TTN: variants seen among roughly 807,000 people sequenced by gnomAD.
TTN encodes the protein connectin.
TTN carries 1,525 observed loss-of-function variants against 3,223.0 expected under a neutral mutation model. That is an observed-to-expected ratio of 0.47 (90% CI 0.45 to 0.49). The LOEUF is 0.49. TTN is among the 20% of genes least tolerant of loss of function. The pLI is 0.00. For missense variants in TTN, 40,786 were observed against 43,424.0 expected, an observed-to-expected ratio of 0.94 and a Z score of 5.40; for synonymous variants, 14,094 against 15,161.0, an observed-to-expected ratio of 0.93 and a Z score of 5.17.
Position 178,735,732 on chromosome 2 carries a change from A to T in TTN, c.14714T>A (p.Val4905Asp). 3.7e-6 allele frequency: 6 copies of T among 1,613,774 alleles called. No homozygotes were observed. Among genetic ancestry groups the T allele is most frequent in the Non-Finnish European group, 5.1e-6 (6 of 1,179,798 alleles). The change falls in exon 50 of 363, where the codon GTC becomes GAC. Residue 4905 changes from valine (V) to aspartate (D), a missense_variant. Val to Asp is a radical substitution (Grantham distance 152). Transcript: ENST00000589042. ...TTCATCTACTTGGCACTCAAGGTGG[A>T]CCTTCTTATTGATAGCGGACTGCAC... ...EPVQSAINKK[V>D]HLECQVDEDR...
chr2:178,619,543 T>C, intron 250 of TTN, 78 bp downstream of exon 250: 1 of 1,550,746 alleles, frequency 6.4e-7, no homozygotes, highest in Admixed American at 2.0e-5. Context: ...TCACAAGGAT[T>C]ACCTCATTAA....
chr2:178,783,990 C>A (rs1285100384), intron 16 of TTN, 80 bp downstream of exon 16: 33 of 1,603,376 alleles, frequency 2.1e-5, no homozygotes, highest in African/African-American at 2.7e-5. Flanking sequence ...CCACTGGCTA[C>A]TTTTCAGTAC....
rs769505255 is a variant in TTN, at chr2:178,530,575, T to C, written c.106040A>G (p.Asn35347Ser). 4.3e-6 allele frequency: 7 copies of C among 1,614,060 alleles called. No homozygotes were observed. In the South Asian group the frequency reaches 6.6e-5, roughly 15 times the overall value. The part of the protein sequence containing the change: ...SADGTYELKI[N>S]NLTESDQGEY... ...TCCTTGATCAGATTCAGTGAGGTTA[T>C]TGATTTTGAGCTCATAGGTACCATC... The change falls in exon 358 of 363, where the codon AAT becomes AGT. Residue 35347 changes from asparagine (N) to serine (S), a missense_variant. By Grantham distance (46) the Asn-to-Ser change is conservative (BLOSUM62 1). Transcript: ENST00000589042.
At chr2:178,632,079 T>C in intron 236 of TTN, 68 bp downstream of exon 236, 1 of 1,453,290 alleles carries the variant, frequency 6.9e-7, no homozygotes. Flanking sequence ...GACTATTTTA[T>C]AGAATAGATA....
intron 110 of TTN, 64 bp downstream of exon 110, chr2:178,701,464 G>A (rs560352023): frequency 7.2e-6 from 11 of 1,530,818 alleles, no homozygotes; most frequent in Non-Finnish European, 9.8e-6. Flanking sequence ...ATAAAATTTC[G>A]TACAGATTCC....
At chr2:178,623,192 A>G (rs1030651945) in intron 242 of TTN, among the ~76,000 whole-genome samples, 5 of 151,932 alleles carry the variant, frequency 3.3e-5, no homozygotes, top group Non-Finnish European at 7.4e-5. Context: ...GCAGAATTCA[A>G]AGATAGAACA....
chr2:178,534,367 T>C lies in TTN; in HGVS notation c.102248A>G (p.Lys34083Arg). ...LKQKIERVST[K>R]VIRTLKHRRY... is the part of the protein sequence containing the mutation. Reference sequence around the variant, plus strand: ...CCGGTGTTTTAATGTTCTGATAACTTTAGTACTGACTCTTTCTATCTTCTG... The same window carrying C: ...CCGGTGTTTTAATGTTCTGATAACTCTAGTACTGACTCTTTCTATCTTCTG... Residue 34083 changes from lysine to arginine, a missense_variant, in exon 358 of 363, where the codon AAA (lysine) becomes AGA (arginine). Lys to Arg is a conservative substitution (Grantham distance 26). Coordinates refer to ENST00000589042, the MANE Select transcript of TTN (RefSeq NM_001267550.2). 1 of 1,611,312 alleles carries C rather than the reference T, an allele frequency of 6.2e-7. No homozygotes were observed. The highest frequency in any genetic ancestry group is 8.5e-7 in the Non-Finnish European group (1 of 1,179,812).
chr2:178,572,466 C>A lies in TTN; in HGVS notation c.73666G>T (p.Val24556Phe), dbSNP rs532581749. The change falls in exon 326 of 363, where the codon GTT (valine) becomes TTT (phenylalanine). Residue 24556 changes from valine to phenylalanine, a missense_variant. Coordinates refer to ENST00000589042, the MANE Select transcript of TTN (RefSeq NM_001267550.2). ...DGGSKIKNYI[V>F]EKRESTRKAY... ...TTTCTTGTTGATTCCCGCTTTTCAA[C>A]AATATAGTTCTTGATTTTTGAACCT... The A allele has an allele frequency of 6.2e-7, 1 of 1,612,658 alleles. No individual in the cohort carries two copies. The highest frequency in any genetic ancestry group is 1.1e-5 in the South Asian group (1 of 91,010).
Position 178,566,969 on chromosome 2 carries a change from C to T in TTN, c.79163G>A (p.Gly26388Glu). ...VLMKNPFVLP[G>E]PPKSLEVTNI... ...TGTGACTTCCAAGCTTTTTGGTGGT[C>T]CAGGAAGCACAAATGGATTTTTCAT... Residue 26388 changes from glycine (G) to glutamate (E), a missense_variant, in exon 326 of 363, where the codon GGA becomes GAA. Physicochemically the swap from Gly to Glu is moderately conservative, Grantham distance 98. Coordinates refer to ENST00000589042, the MANE Select transcript of TTN (RefSeq NM_001267550.2). 1.9e-6 allele frequency: 3 copies of T among 1,613,592 alleles called. No individual in the cohort carries two copies. The highest frequency in any genetic ancestry group is 2.5e-6 in the Non-Finnish European group (3 of 1,179,658).
In TTN at chr2:178,552,988, T is replaced by C. The variant is rs1361724655; in HGVS notation, c.89912A>G (p.Glu29971Gly). 1 of 1,612,204 alleles carries C rather than the reference T, an allele frequency of 6.2e-7. No individual in the cohort carries two copies. The highest frequency in any genetic ancestry group is 1.7e-4 in the Middle Eastern group (1 of 6,060). The change falls in exon 335 of 363, where the codon GAA becomes GGA. Residue 29971 changes from glutamate to glycine, a missense_variant. By Grantham distance (98) the Glu-to-Gly change is moderately conservative. Coordinates refer to ENST00000589042, the MANE Select transcript of TTN (RefSeq NM_001267550.2). ...GGSPIINYVI[E>G]KRDATKRTWS... The stretch of plus-strand genomic sequence containing the variant: ...TGTTCTCTTGGTGGCATCTCTCTTT[T>C]CAATGACATAATTAATTATTGGAGA...
rs772382779 is a variant in TTN, at chr2:178,644,599, C to A, written c.40426G>T (p.Val13476Phe). The A allele has an allele frequency of 1.5e-5, 24 of 1,572,784 alleles. No homozygotes were observed. In the South Asian group the frequency reaches 2.7e-4, roughly 17 times the overall value. Residue 13476 changes from valine (V) to phenylalanine (F), a missense_variant, in exon 218 of 363, where the codon GTT becomes TTT. Val to Phe is a conservative substitution (Grantham distance 50, BLOSUM62 -1). Transcript: ENST00000589042. ...TCTGGAACCTGAGGTTTTTCAGGAA[C>A]TTTCTTCTTTGGAATAGCTTTAAAG... Reference protein sequence around the residue: ...FQLKAIPKKKVPEKPQVPEKV... With the variant: ...FQLKAIPKKKFPEKPQVPEKV...
At chr2:178,763,474 T>C (rs2089732008) in intron 43 of TTN, among the ~76,000 whole-genome samples, 2 of 152,184 alleles carry the variant, frequency 1.3e-5, no homozygotes, top group South Asian at 4.1e-4. Flanking sequence ...TCAGGTGATA[T>C]TCTGGGGCAA....
chr2:178,528,904 A>C lies in TTN; in HGVS notation c.106847T>G (p.Met35616Arg). ...HAEIKAFSTQ[M>R]SINEGQRLVL... ...CAGTCTTTGACCTTCGTTTATGCTC[A>C]TCTGAGTAGAAAATGCTTTAATCTC... Residue 35616 changes from methionine to arginine, a missense_variant, in exon 360 of 363, where the codon ATG becomes AGG. Transcript: ENST00000589042. 1 of 1,614,042 alleles carries C rather than the reference A, an allele frequency of 6.2e-7. No homozygotes were observed. The highest frequency in any genetic ancestry group is 8.5e-7 in the Non-Finnish European group (1 of 1,179,880).
At position 178,575,257 on chromosome 2, in the gene TTN, C is replaced by T. The variant is rs776288102; in HGVS notation, c.70875G>A (p.Lys23625=). The part of the protein sequence containing the change: ...APRESRPVIV[K]EQTMLPELDL... ...CCAGCTCTGGAAGCATTGTCTGCTC[C>T]TTGACAATGACGGGTCTGCTTTCTC... The change falls in exon 326 of 363, where the codon AAG becomes AAA. Residue 23625 remains lysine (K), a synonymous_variant. Transcript: ENST00000589042. This position sits in a 1 kb window ranked among gnomAD's most constrained non-coding sequence, Gnocchi z 4.0. 1.2e-6 allele frequency: 2 copies of T among 1,613,304 alleles called. No individual in the cohort carries two copies. Among genetic ancestry groups the T allele is most frequent in the Non-Finnish European group, 8.5e-7 (1 of 1,179,586 alleles).
At chr2:178,703,555 T>A (rs1369311116) in intron 106 of TTN, among the ~76,000 whole-genome samples, 1 of 152,228 alleles carries the variant, frequency 6.6e-6, no homozygotes, top group Non-Finnish European at 1.5e-5. Flanking sequence ...TTTTTCTCAA[T>A]ACAGTTTGAG....
chr2:178,593,373 T>A lies in TTN; in HGVS notation c.58835A>T (p.Asn19612Ile). Residue 19612 changes from asparagine to isoleucine, a missense_variant, in exon 299 of 363, where the codon AAC becomes ATC. Physicochemically the swap from Asn to Ile is moderately radical, Grantham distance 149. Transcript: ENST00000589042. ...KPHDGGKPIT[N>I]YILEKRETMS... ...AGTTTCTCTCTTTTCCAGGATGTAG[T>A]TTGTGATGGGTTTTCCTCCATCATG... is the stretch of plus-strand genomic sequence containing the variant. 6.2e-7 allele frequency: 1 copy of A among 1,613,394 alleles called. No individual in the cohort carries two copies. The highest frequency in any genetic ancestry group is 8.5e-7 in the Non-Finnish European group (1 of 1,179,574).
chr2:178,784,615 A>G lies in TTN; in HGVS notation c.2494-264T>C, dbSNP rs999764028. Among the ~76,000 whole-genome samples, 17 of 152,352 alleles carry G rather than the reference A, an allele frequency of 1.1e-4. No homozygotes were observed. The South Asian group carries it at 3.1e-3, about 28-fold the overall frequency. ...AACTCCTTATTTTACAGCTTTTATC[A>G]TAAAAGGACAGGATCTTCTAAAGCT... is the stretch of plus-strand genomic sequence containing the variant. On this transcript the variant is annotated intron_variant, in intron 15 of 362. Coordinates refer to ENST00000589042, the MANE Select transcript of TTN (RefSeq NM_001267550.2).
At chr2:178,595,958 C>T in intron 294 of TTN, 149 bp from the exon 295 acceptor site, 3 of 555,752 alleles carry the variant, frequency 5.4e-6, no homozygotes, top group Non-Finnish European at 9.0e-6. Context: ...CTTCTGCTAT[C>T]TAGTCAATAC....
chr2:178,696,013 T>C lies in TTN; in HGVS notation c.31059A>G (p.Lys10353=), dbSNP rs375793363. The change falls in exon 114 of 363, where the codon AAA becomes AAG. Residue 10353 remains lysine (K), a synonymous_variant. Coordinates refer to ENST00000589042, the MANE Select transcript of TTN (RefSeq NM_001267550.2). ...EDYEEIKVEA[K]KEVHEEWEED... is the part of the protein sequence containing the mutation. ...CTTCCCATTCCTCGTGAACTTCTTT[T>C]TTAGCTTCTACCTTAATCTCTTCAT... 6.5e-7 allele frequency: 1 copy of C among 1,548,800 alleles called. No individual in the cohort carries two copies. Among genetic ancestry groups the C allele is most frequent in the Non-Finnish European group, 8.7e-7 (1 of 1,146,124 alleles).
Sources: allele counts gnomAD v4.1 joint callset (sites outside exome capture counted in the v4.1 genomes callset), GRCh38; gene constraint gnomAD v4.1.1; non-coding constraint Gnocchi (gnomAD v3.1); transcripts MANE v1.5; gene names NCBI Gene and HGNC (gene_info 2026-07-23, HGNC 2026-07-21).